DDHD1: variants seen among roughly 807,000 people sequenced by gnomAD.
The protein encoded by DDHD1 is DDHD domain containing 1.
Under a neutral mutation model 96.4 loss-of-function variants are expected in DDHD1, and 49 were observed. The observed-to-expected ratio is 0.51, with a 90% CI of 0.40 to 0.64. The LOEUF (loss-of-function observed/expected upper bound fraction) is 0.64. Among genes scored for constraint, DDHD1 ranks in the 30% least tolerant of loss-of-function variants. The probability of loss-of-function intolerance (pLI) is 0.00; values close to 1 mark genes in which losing one functional copy is unlikely to be tolerated. For missense variants in DDHD1, 1,106 were observed against 1,161.2 expected (o/e 0.95, Z 0.69); for synonymous variants, 442 against 446.5 (o/e 0.99, Z 0.13).
chr14:53,058,661 G>T, intron 8 of DDHD1, 35 bp from the exon 9 acceptor site: 1 of 1,559,292 alleles, frequency 6.4e-7, no homozygotes, highest in Non-Finnish European at 8.7e-7. Context: ...GTTTAAAAAT[G>T]GTGAAGTGTT....
intron 4 of DDHD1, among the ~76,000 whole-genome samples, chr14:53,077,359 G>A (rs1014108763): frequency 6.6e-6 from 1 of 152,136 alleles, no homozygotes; most frequent in Non-Finnish European, 1.5e-5. Flanking sequence ...CTTCTAGAAA[G>A]AGAAATTTCC....
Position 53,108,162 on chromosome 14 carries a change from C to T in DDHD1, c.839-4306G>A, listed in dbSNP as rs139221704. 7.8e-3 allele frequency among the ~76,000 whole-genome samples: 1,181 copies of T among 152,258 alleles called. 18 individuals are homozygous for T. The highest frequency in any genetic ancestry group is 0.027 in the African/African-American group (1,116 of 41,534). On this transcript the variant is annotated intron_variant, in intron 1 of 12. Transcript: ENST00000673822. ...CTGTTTGCCACCATCGCAGACCTGC[C>T]GCTGACTTCCATCCCTCCGGATCCG...
At position 53,042,804 on chromosome 14, in the gene DDHD1, T is replaced by TA. The variant is rs1881745377; in HGVS notation, c.*3963dup. 6.6e-6 allele frequency: 1 copy of TA among 152,196 alleles called. No individual in the cohort carries two copies. The highest frequency in any genetic ancestry group is 1.5e-5 in the Non-Finnish European group (1 of 68,028). 9.4% of individuals were successfully genotyped at this position (152,196 alleles called of 1,614,324 possible). A position where few individuals can be genotyped will look rare whatever the true frequency, so the allele number is the denominator to read the frequency against. Reference sequence around the variant, plus strand: ...AACCCAAACATAGTTTAGCAAAACTTAGTTTCTTTTTCTAGTATATGATTG... The same window carrying TA: ...AACCCAAACATAGTTTAGCAAAACTTAAGTTTCTTTTTCTAGTATATGATTG... On this transcript the variant is annotated 3_prime_UTR_variant, in exon 13 of 13. Coordinates refer to ENST00000673822, the MANE Select transcript of DDHD1 (RefSeq NM_001160148.2).
At chr14:53,103,948 C>T in intron 1 of DDHD1, 92 bp from the exon 2 acceptor site, 1 of 1,173,274 alleles carries the variant, frequency 8.5e-7, no homozygotes, top group Non-Finnish European at 1.2e-6. Flanking sequence ...TTTGCTACTG[C>T]TGTCACAAAA....
Position 53,044,895 on chromosome 14 carries a change from C to A in DDHD1, c.*1873G>T, listed in dbSNP as rs1431678975. ...AGAGATACAGCTGACCAACTTTGCT[C>A]CCAGTTTGACAATGATTATTGGGAA... On this transcript the variant is annotated 3_prime_UTR_variant, in exon 13 of 13. Coordinates refer to ENST00000673822, the MANE Select transcript of DDHD1 (RefSeq NM_001160148.2). The A allele has an allele frequency of 6.6e-6, 1 of 152,158 alleles. No individual in the cohort carries two copies. Among genetic ancestry groups the A allele is most frequent in the Non-Finnish European group, 1.5e-5 (1 of 68,016 alleles). The allele number at this position is 152,158 out of a possible 1,614,324, so 9.4% of individuals were successfully genotyped here. A position where few individuals can be genotyped will look rare whatever the true frequency, so the allele number is the denominator to read the frequency against.
At chr14:53,136,889 C>T (rs1890275863) in intron 1 of DDHD1, among the ~76,000 whole-genome samples, 1 of 152,152 alleles carries the variant, frequency 6.6e-6, no homozygotes, top group African/African-American at 2.4e-5. Context: ...ACATATAAAG[C>T]ATATGCCTAA....
chr14:53,086,048 T>C (rs1207949797), intron 4 of DDHD1, among the ~76,000 whole-genome samples: 1 of 152,136 alleles, frequency 6.6e-6, no homozygotes, highest in East Asian at 1.9e-4. Flanking sequence ...AGAAAGGTTA[T>C]CAGTGAATGA....
At chr14:53,090,262 T>G (rs924775286) in intron 4 of DDHD1, among the ~76,000 whole-genome samples, 1 of 152,182 alleles carries the variant, frequency 6.6e-6, no homozygotes, top group African/African-American at 2.4e-5. Context: ...AGGAACACTT[T>G]TACACTGTTG....
chr14:53,092,068 T>C, intron 3 of DDHD1, 136 bp from the exon 4 acceptor site: 1 of 760,670 alleles, frequency 1.3e-6, no homozygotes, highest in Non-Finnish European at 2.1e-6. Context: ...AAATAAAAAC[T>C]GTAAGAAGGT....
At chr14:53,068,173 A>G (rs901764809) in intron 6 of DDHD1, among the ~76,000 whole-genome samples, 1 of 150,670 alleles carries the variant, frequency 6.6e-6, no homozygotes, top group Non-Finnish European at 1.5e-5. Flanking sequence ...GAGATACGGT[A>G]TTTAGCTACA....
At chr14:53,087,655 T>C (rs1475304876) in intron 4 of DDHD1, among the ~76,000 whole-genome samples, 2 of 152,180 alleles carry the variant, frequency 1.3e-5, no homozygotes, top group African/African-American at 4.8e-5. Flanking sequence ...GGGACACATT[T>C]AAAGCAGTGT....
intron 4 of DDHD1, among the ~76,000 whole-genome samples, chr14:53,087,512 C>G (rs1180155704): frequency 6.6e-6 from 1 of 152,152 alleles, no homozygotes; most frequent in Non-Finnish European, 1.5e-5. Context: ...GAAACTCACT[C>G]AAAACCACAC....
intron 1 of DDHD1, among the ~76,000 whole-genome samples, chr14:53,133,543 T>C (rs192195200): frequency 6.6e-6 from 1 of 152,318 alleles, no homozygotes. Flanking sequence ...AATGGTCTTT[T>C]AAAGACACAC....
At chr14:53,065,619 T>C (rs1408797730) in intron 6 of DDHD1, among the ~76,000 whole-genome samples, 1 of 152,158 alleles carries the variant, frequency 6.6e-6, no homozygotes, top group Non-Finnish European at 1.5e-5. Flanking sequence ...TAACCATGAC[T>C]TTTCAGAAAT....
At chr14:53,069,897 TG>T (rs749621983) in intron 6 of DDHD1, among the ~76,000 whole-genome samples, 28 of 152,218 alleles carry the variant, frequency 1.8e-4, no homozygotes, top group Admixed American at 3.9e-4. Flanking sequence ...GAAATTCATC[TG>T]GATCAAAAGA....
chr14:53,107,958 G>C (rs1325408744), intron 1 of DDHD1, among the ~76,000 whole-genome samples: 1 of 152,164 alleles, frequency 6.6e-6, no homozygotes, highest in Admixed American at 6.5e-5. Flanking sequence ...GAGCACAGCG[G>C]GAGGGACAAT....
intron 1 of DDHD1, among the ~76,000 whole-genome samples, chr14:53,139,943 C>A (rs1890529631): frequency 6.6e-6 from 1 of 150,788 alleles, no homozygotes; most frequent in Non-Finnish European, 1.5e-5. Flanking sequence ...ATACTAAAGG[C>A]TCTAGTGGAA....
intron 1 of DDHD1, among the ~76,000 whole-genome samples, chr14:53,123,153 T>C (rs1040871447): frequency 2.3e-5 from 3 of 130,688 alleles, no homozygotes; most frequent in Non-Finnish European, 5.1e-5. Context: ...TTATTATTAT[T>C]ATTATTATTT....
chr14:53,047,642 G>C (rs570985900), intron 12 of DDHD1, among the ~76,000 whole-genome samples: 1 of 152,270 alleles, frequency 6.6e-6, no homozygotes, highest in Admixed American at 6.5e-5. Context: ...TGATTCTTGG[G>C]AGGAAGGACT....
Sources: gnomAD v4.1 joint callset for allele counts (sites outside exome capture counted in the v4.1 genomes callset) on GRCh38, gnomAD v4.1.1 for gene constraint, MANE v1.5 for transcripts, NCBI Gene and HGNC (gene_info 2026-07-23, HGNC 2026-07-21) for gene names.